DPP6: variants seen among roughly 807,000 people sequenced by gnomAD.
The protein encoded by DPP6 is A-type potassium channel modulatory protein DPP6.
DPP6 carries 69 observed loss-of-function variants against 122.6 expected under a neutral mutation model. The observed-to-expected ratio is 0.56, with a 90% confidence interval of 0.46 to 0.69. The LOEUF is 0.69. Among genes scored for constraint, DPP6 ranks in the 30% least tolerant of loss-of-function variants. The pLI is 0.00. For synonymous variants in DPP6, 418 were observed against 433.1 expected (o/e 0.97, Z 0.43); for missense variants, 928 against 1,116.9 (o/e 0.83, Z 2.41).
the DPP6 span, among the ~76,000 whole-genome samples, chr7:153,866,340 C>T: frequency 2.2e-4 from 33 of 152,296 alleles, 2 homozygotes; most frequent in East Asian, 5.4e-3. Flanking sequence ...TTAATGATCG[C>T]CGTTCTACCT....
At chr7:154,264,161 A>T (rs1234911511) in intron 1 of DPP6, among the ~76,000 whole-genome samples, 1 of 152,212 alleles carries the variant, frequency 6.6e-6, no homozygotes, top group Non-Finnish European at 1.5e-5. Context: ...AGAGTGTGAG[A>T]GGTGCATTTT....
At chr7:154,610,414 A>C (rs1294986736) in intron 5 of DPP6, among the ~76,000 whole-genome samples, 2 of 152,210 alleles carry the variant, frequency 1.3e-5, no homozygotes, top group African/African-American at 4.8e-5. Context: ...TGGGGTCAAA[A>C]GAAAGGATGA....
intron 7 of DPP6, among the ~76,000 whole-genome samples, chr7:154,670,139 C>A (rs973028679): frequency 6.6e-6 from 1 of 150,436 alleles, no homozygotes. Flanking sequence ...GCATTACAGG[C>A]GTGAGCTACC....
At chr7:154,746,676 A>G (rs1843051286) in intron 8 of DPP6, among the ~76,000 whole-genome samples, 1 of 152,202 alleles carries the variant, frequency 6.6e-6, no homozygotes, top group Non-Finnish European at 1.5e-5. Context: ...TCAATTTTCA[A>G]CTTCCCTATG....
chr7:154,578,554 G>GTGAC (rs1831839291), intron 5 of DPP6, among the ~76,000 whole-genome samples: 1 of 152,138 alleles, frequency 6.6e-6, no homozygotes, highest in African/African-American at 2.4e-5. Context: ...GGCATCAGCT[G>GTGAC]TGACTGTGCT....
chr7:154,139,978 G>A (rs958136401), intron 1 of DPP6, among the ~76,000 whole-genome samples: 1 of 152,254 alleles, frequency 6.6e-6, no homozygotes, highest in African/African-American at 2.4e-5. Flanking sequence ...CAGTGACAAA[G>A]TGCCCCACAA....
At chr7:154,838,227 T>A (rs1258191558) in intron 16 of DPP6, among the ~76,000 whole-genome samples, 3 of 152,218 alleles carry the variant, frequency 2.0e-5, no homozygotes, top group Non-Finnish European at 4.4e-5. Flanking sequence ...AGGAATGTTT[T>A]TAGATTCACA....
chr7:154,228,303 C>T (rs1241392700), intron 1 of DPP6, among the ~76,000 whole-genome samples: 1 of 152,166 alleles, frequency 6.6e-6, no homozygotes, highest in East Asian at 1.9e-4. Flanking sequence ...TCAGTCCATT[C>T]TTTCCTTCTG....
chr7:153,785,833 T>C, the DPP6 span, among the ~76,000 whole-genome samples: 2 of 152,130 alleles, frequency 1.3e-5, no homozygotes, highest in African/African-American at 4.8e-5. Context: ...TTTTCCTTTT[T>C]TCGTTTTTAG....
upstream of DPP6, among the ~76,000 whole-genome samples, chr7:153,884,929 G>A (rs961204669): frequency 1.3e-4 from 19 of 149,986 alleles, no homozygotes; most frequent in African/African-American, 3.9e-4. Flanking sequence ...GCAGTGAGCC[G>A]AGATCACGCC....
chr7:154,592,195 G>C (rs1165585128), intron 5 of DPP6, among the ~76,000 whole-genome samples: 1 of 152,222 alleles, frequency 6.6e-6, no homozygotes, highest in Non-Finnish European at 1.5e-5. Context: ...CAGCTAGCCA[G>C]CAGATGTGGG....
intron 1 of DPP6, among the ~76,000 whole-genome samples, chr7:154,061,817 C>T (rs1241697105): frequency 5.9e-5 from 8 of 134,928 alleles, no homozygotes; most frequent in East Asian, 2.2e-4. Flanking sequence ...TGAGAGCGAG[C>T]CCCTCTTCCC....
intron 1 of DPP6, among the ~76,000 whole-genome samples, chr7:154,008,838 T>TG (rs1409293975): frequency 5.0e-4 from 74 of 148,042 alleles, no homozygotes; most frequent in South Asian, 1.1e-3. Context: ...ATTTTTTTTT[T>TG]GTATTTTTAG....
chr7:153,919,139 T>G (rs369991101), intron 1 of DPP6, among the ~76,000 whole-genome samples: 1 of 152,164 alleles, frequency 6.6e-6, no homozygotes, highest in East Asian at 1.9e-4. Context: ...CTGGATTTCC[T>G]TGGCCTTATT....
the DPP6 span, among the ~76,000 whole-genome samples, chr7:153,759,953 G>A: frequency 2.7e-5 from 4 of 145,900 alleles, no homozygotes; most frequent in African/African-American, 7.7e-5. Context: ...CTCTCTCTCT[G>A]TCTCTCTCTG....
In DPP6 at chr7:153,982,729, C is replaced by T. The variant is rs185512756; in HGVS notation, c.51+94995C>T. 4.6e-5 allele frequency among the ~76,000 whole-genome samples: 7 copies of T among 152,160 alleles called. No individual in the cohort carries two copies. In the East Asian group the frequency reaches 9.7e-4, roughly 21 times the overall value. The stretch of plus-strand genomic sequence containing the variant: ...TGGTGACCTTCAGTTGGGGTTTTTG[C>T]GTTGTCGTCCTTTTTGTTTATGTCG... On this transcript the variant is annotated intron_variant, in intron 1 of 25. Coordinates refer to the DPP6 transcript ENST00000404039.
At chr7:154,204,149 G>A (rs998049535) in intron 1 of DPP6, among the ~76,000 whole-genome samples, 1 of 152,220 alleles carries the variant, frequency 6.6e-6, no homozygotes, top group Admixed American at 6.5e-5. Flanking sequence ...GTTGCATCCA[G>A]GAACAATGTC....
At chr7:154,588,984 AGGT>A (rs1832644889) in intron 5 of DPP6, among the ~76,000 whole-genome samples, 1 of 152,134 alleles carries the variant, frequency 6.6e-6, no homozygotes, top group Admixed American at 6.5e-5. Flanking sequence ...ATTTGTTCCT[AGGT>A]TTGTTGGCTG....
chr7:154,561,286 A>G (rs1830411515), intron 4 of DPP6, among the ~76,000 whole-genome samples: 1 of 152,244 alleles, frequency 6.6e-6, no homozygotes, highest in Non-Finnish European at 1.5e-5. Flanking sequence ...TCACTCATCA[A>G]TAGAAAAATG....
Sources: allele counts gnomAD v4.1 joint callset (sites outside exome capture counted in the v4.1 genomes callset), GRCh38; gene constraint gnomAD v4.1.1; transcripts MANE v1.5; gene names NCBI Gene and HGNC (gene_info 2026-07-23, HGNC 2026-07-21).